The following SPIDR variants were observed in gnomAD, a reference collection of about 807,000 sequenced individuals.
The protein encoded by SPIDR is DNA repair-scaffolding protein.
Under a neutral mutation model 104.6 loss-of-function variants are expected in SPIDR, and 93 were observed. That is an observed-to-expected ratio of 0.89 (90% CI 0.75 to 1.06). SPIDR has a LOEUF of 1.06. SPIDR is among the 50% of genes least tolerant of loss of function. The probability of loss-of-function intolerance (pLI) is 0.00; values close to 1 mark genes in which losing one functional copy is unlikely to be tolerated. For missense variants in SPIDR, 1,154 were observed against 1,111.2 expected, an observed-to-expected ratio of 1.04 and a Z score of -0.55; for synonymous variants, 431 against 416.9, an observed-to-expected ratio of 1.03 and a Z score of -0.41.
chr8:47,427,427 T>C (rs1296592401), intron 7 of SPIDR, among the ~76,000 whole-genome samples: 1 of 152,104 alleles, frequency 6.6e-6, no homozygotes. Flanking sequence ...ATTTTACTTA[T>C]GAAGTACTAA....
intron 15 of SPIDR, 140 bp from the exon 16 acceptor site, chr8:47,713,349 C>T (rs540921603): frequency 8.1e-7 from 1 of 1,230,086 alleles, no homozygotes; most frequent in South Asian, 1.4e-5. Flanking sequence ...TGTGCACACA[C>T]AATGAACGTG....
At chr8:47,588,458 G>A (rs2060573032) in intron 8 of SPIDR, among the ~76,000 whole-genome samples, 1 of 151,754 alleles carries the variant, frequency 6.6e-6, no homozygotes, top group South Asian at 2.1e-4. Flanking sequence ...AATAGTTCTA[G>A]GAGTTATTTT....
At chr8:47,415,799 G>C (rs2064176556) in intron 7 of SPIDR, among the ~76,000 whole-genome samples, 1 of 152,174 alleles carries the variant, frequency 6.6e-6, no homozygotes, top group Admixed American at 6.5e-5. Flanking sequence ...AGCCAAGATG[G>C]ACTAAGATAC....
chr8:47,530,419 G>A (rs1355619236), intron 8 of SPIDR, among the ~76,000 whole-genome samples: 1 of 152,122 alleles, frequency 6.6e-6, no homozygotes, highest in East Asian at 1.9e-4. Context: ...ACTCCAGCCT[G>A]GGTGACACTG....
chr8:47,517,076 C>G (rs956463926), intron 8 of SPIDR, among the ~76,000 whole-genome samples: 1 of 152,042 alleles, frequency 6.6e-6, no homozygotes, highest in African/African-American at 2.4e-5. Flanking sequence ...CCTCTGCCTC[C>G]CAGGTTCAAG....
intron 8 of SPIDR, chr8:47,547,248 T>A: frequency 4.9e-6 from 3 of 612,726 alleles, no homozygotes; most frequent in Middle Eastern, 2.8e-4. Flanking sequence ...GCTCCTCAGG[T>A]GTAACACGAT....
chr8:47,488,118 T>G (rs903087784), intron 8 of SPIDR, among the ~76,000 whole-genome samples: 1 of 150,788 alleles, frequency 6.6e-6, no homozygotes, highest in Admixed American at 6.6e-5. Flanking sequence ...CAAGACCTAA[T>G]AAGAAAAGAG....
intron 8 of SPIDR, chr8:47,510,986 T>A: frequency 1.5e-6 from 1 of 673,554 alleles, no homozygotes; most frequent in Non-Finnish European, 2.7e-6. Flanking sequence ...GCATGGCCAC[T>A]GGCTGTGAGA....
At chr8:47,357,979 C>G (rs868919047) in intron 5 of SPIDR, 1 of 438,548 alleles carries the variant, frequency 2.3e-6, no homozygotes, top group South Asian at 9.5e-5. Flanking sequence ...CTCTGGCAGT[C>G]TTTCCTCTCC....
intron 14 of SPIDR, among the ~76,000 whole-genome samples, chr8:47,711,319 C>T (rs2081856302): frequency 6.6e-6 from 1 of 152,100 alleles, no homozygotes; most frequent in Non-Finnish European, 1.5e-5. Flanking sequence ...TGGAGAATGG[C>T]TTTTTGGTTT....
At chr8:47,699,658 G>A (rs564111616) in intron 11 of SPIDR, among the ~76,000 whole-genome samples, 2 of 152,214 alleles carry the variant, frequency 1.3e-5, no homozygotes, top group South Asian at 4.1e-4. Context: ...GGGTTCAAGC[G>A]ATTTTCCTGC....
At chr8:47,647,490 C>T (rs996525696) in intron 10 of SPIDR, among the ~76,000 whole-genome samples, 52 of 152,112 alleles carry the variant, frequency 3.4e-4, no homozygotes, top group African/African-American at 1.3e-3. Context: ...TGGTGCACGC[C>T]TATAATCTCA....
intron 10 of SPIDR, among the ~76,000 whole-genome samples, chr8:47,641,386 A>G (rs537482724): frequency 6.4e-4 from 97 of 152,170 alleles, no homozygotes; most frequent in African/African-American, 2.3e-3. Context: ...AACTTGTGTT[A>G]TTTTTGAATA....
intron 10 of SPIDR, among the ~76,000 whole-genome samples, chr8:47,636,192 T>C (rs2067895321): frequency 6.6e-6 from 1 of 152,216 alleles, no homozygotes; most frequent in South Asian, 2.1e-4. Context: ...TGATCTGTGA[T>C]CAGTGATCTT....
chr8:47,704,584 C>T (rs72646384), intron 14 of SPIDR, among the ~76,000 whole-genome samples: 4,408 of 152,312 alleles, frequency 0.029, 95 homozygotes, highest in Non-Finnish European at 0.046. Context: ...GGTACTTCAC[C>T]GCGTTGTCTC....
chr8:47,490,559 T>C (rs973138772), intron 8 of SPIDR, among the ~76,000 whole-genome samples: 29 of 152,332 alleles, frequency 1.9e-4, no homozygotes, highest in Admixed American at 1.4e-3. Context: ...ACGTTTATTG[T>C]GGCACTATTC....
intron 8 of SPIDR, among the ~76,000 whole-genome samples, chr8:47,483,472 C>T (rs1478250920): frequency 5.3e-5 from 8 of 152,148 alleles, no homozygotes; most frequent in African/African-American, 1.4e-4. Context: ...CAAGTCATTT[C>T]CCTCTGCTGC....
chr8:47,322,994 C>G (rs782813602), intron 5 of SPIDR, among the ~76,000 whole-genome samples: 8 of 151,580 alleles, frequency 5.3e-5, no homozygotes, highest in Non-Finnish European at 2.9e-5. Context: ...TGTTAAATGA[C>G]GAGTTACTGT....
intron 10 of SPIDR, among the ~76,000 whole-genome samples, chr8:47,617,673 T>C: frequency 6.6e-6 from 1 of 152,210 alleles, no homozygotes; most frequent in Non-Finnish European, 1.5e-5. Context: ...GTGCCTACTG[T>C]GTCACATCAT....
Sources: allele counts gnomAD v4.1 joint callset (sites outside exome capture counted in the v4.1 genomes callset), GRCh38; gene constraint gnomAD v4.1.1; transcripts MANE v1.5; gene names NCBI Gene and HGNC (gene_info 2026-07-23, HGNC 2026-07-21).